SMYD3: variants seen among roughly 807,000 people sequenced by gnomAD.
SMYD3 encodes histone-lysine N-methyltransferase SMYD3.
A neutral mutation model predicts 57.7 loss-of-function variants in SMYD3; 36 were observed. The ratio of observed to expected loss-of-function variants is 0.62; its 90% CI spans 0.48 to 0.82. SMYD3 has a LOEUF of 0.82. Ranked by LOEUF, SMYD3 falls within the 40% of genes least tolerant of loss-of-function variation. SMYD3 has a pLI of 0.00. For missense variants in SMYD3, 515 were observed against 538.8 expected, an observed-to-expected ratio of 0.96 and a Z score of 0.44; for synonymous variants, 211 against 195.0, an observed-to-expected ratio of 1.08 and a Z score of -0.68.
chr1:246,283,091 C>T (rs147214916), intron 5 of SMYD3, among the ~76,000 whole-genome samples: 1 of 152,254 alleles, frequency 6.6e-6, no homozygotes, highest in African/African-American at 2.4e-5. Flanking sequence ...TCAACAATGG[C>T]ACCTTAAAAA....
chr1:246,060,306 G>C (rs1034633778), intron 5 of SMYD3, among the ~76,000 whole-genome samples: 6 of 149,544 alleles, frequency 4.0e-5, no homozygotes, highest in Non-Finnish European at 8.9e-5. Flanking sequence ...AATAAAGGTT[G>C]CGTTTTTTTT....
At chr1:246,136,689 A>G (rs1160431968) in intron 5 of SMYD3, among the ~76,000 whole-genome samples, 1 of 152,224 alleles carries the variant, frequency 6.6e-6, no homozygotes, top group Non-Finnish European at 1.5e-5. Context: ...AAATGAATGA[A>G]TGAACCAACA....
At chr1:246,325,945 G>C (rs1250018299) in intron 5 of SMYD3, 1 of 157,390 alleles carries the variant, frequency 6.4e-6, no homozygotes, top group African/African-American at 2.4e-5. Flanking sequence ...AAATAGATGA[G>C]AAAGTTTTCA....
intron 5 of SMYD3, among the ~76,000 whole-genome samples, chr1:246,223,485 T>C (rs1387954612): frequency 1.3e-5 from 2 of 152,162 alleles, no homozygotes; most frequent in African/African-American, 2.4e-5. Context: ...TTCTAGTTTC[T>C]TGTTCCTGGA....
At chr1:246,186,377 T>C (rs2062640234) in intron 5 of SMYD3, among the ~76,000 whole-genome samples, 1 of 152,168 alleles carries the variant, frequency 6.6e-6, no homozygotes, top group Admixed American at 6.5e-5. Flanking sequence ...ACCAGGCGCT[T>C]TACTGTCTAT....
At chr1:246,359,289 A>G (rs2065953675) in intron 1 of SMYD3, among the ~76,000 whole-genome samples, 1 of 152,190 alleles carries the variant, frequency 6.6e-6, no homozygotes, top group Non-Finnish European at 1.5e-5. Flanking sequence ...GAACAGACCA[A>G]TAACAAGCAG....
intron 10 of SMYD3, among the ~76,000 whole-genome samples, chr1:245,809,129 C>T (rs114141510): frequency 1.9e-4 from 29 of 152,320 alleles, no homozygotes; most frequent in African/African-American, 7.0e-4. Flanking sequence ...GGGCTCTGTA[C>T]TGCCTCTGGT....
At chr1:246,271,471 T>C (rs2064221139) in intron 5 of SMYD3, among the ~76,000 whole-genome samples, 1 of 152,220 alleles carries the variant, frequency 6.6e-6, no homozygotes, top group African/African-American at 2.4e-5. Flanking sequence ...AGTTGATTTT[T>C]GTATACAAAC....
rs1449692496 is a variant in SMYD3 at position 245,842,085 on chromosome 1, T to C, written c.1076+16411A>G. Among the ~76,000 whole-genome samples the C allele has an allele frequency of 2.0e-5, 3 of 152,314 alleles. No individual in the cohort carries two copies. The East Asian group carries it at 5.8e-4, about 29-fold the overall frequency. ...GCCAAGGAGCACCATATAGTCTAGT[T>C]GTGTAGTAGGATTTCACAATCTAGG... On this transcript the variant is annotated intron_variant, in intron 10 of 11. Coordinates refer to ENST00000490107, the MANE Select transcript of SMYD3 (RefSeq NM_001167740.2).
intron 10 of SMYD3, among the ~76,000 whole-genome samples, chr1:245,798,417 T>TACACACACACACACACACACAC (rs1327910170): frequency 3.3e-5 from 1 of 30,726 alleles, no homozygotes; most frequent in Non-Finnish European, 6.7e-5. Context: ...TACACACACA[T>TACACACACACACACACACACAC]ACACACCCCC....
chr1:246,056,445 T>A (rs1344419650), intron 5 of SMYD3, among the ~76,000 whole-genome samples: 1 of 152,028 alleles, frequency 6.6e-6, no homozygotes, highest in East Asian at 1.9e-4. Flanking sequence ...GGAAACTATA[T>A]GAAGTTTGGT....
At chr1:246,477,412 C>T (rs1473121288) in intron 1 of SMYD3, among the ~76,000 whole-genome samples, 1 of 152,168 alleles carries the variant, frequency 6.6e-6, no homozygotes, top group Non-Finnish European at 1.5e-5. Context: ...TATTCTAACA[C>T]TGTTTTTGAA....
At chr1:246,023,224 A>G (rs1377051686) in intron 5 of SMYD3, among the ~76,000 whole-genome samples, 1 of 152,248 alleles carries the variant, frequency 6.6e-6, no homozygotes, top group East Asian at 1.9e-4. Flanking sequence ...AGCTCTTGCT[A>G]ATCAGTGAGA....
chr1:245,803,403 ATATGAACTGGCCAATTTCACG>A (rs369044620), intron 10 of SMYD3, among the ~76,000 whole-genome samples: 3,571 of 152,252 alleles, frequency 0.023, 123 homozygotes, highest in African/African-American at 0.082. Context: ...AGGTTGAACC[ATATGAACTGGCCAATTTCACG>A]TATGAACTGG....
chr1:246,457,935 T>TGG (rs2067728538), intron 1 of SMYD3, among the ~76,000 whole-genome samples: 1 of 152,230 alleles, frequency 6.6e-6, no homozygotes, highest in African/African-American at 2.4e-5. Flanking sequence ...TAGCATAAAC[T>TGG]TTCCTATAGT....
chr1:246,479,797 G>A (rs558249026), intron 1 of SMYD3, among the ~76,000 whole-genome samples: 34 of 152,162 alleles, frequency 2.2e-4, no homozygotes, highest in African/African-American at 4.8e-4. Context: ...CTTGAGTCAC[G>A]GCACCCAGCC....
intron 5 of SMYD3, among the ~76,000 whole-genome samples, chr1:246,123,592 A>ACC (rs2061458622): frequency 6.6e-6 from 1 of 150,902 alleles, no homozygotes; most frequent in Admixed American, 6.6e-5. Flanking sequence ...ACACACACAC[A>ACC]CACACACACA....
intron 1 of SMYD3, among the ~76,000 whole-genome samples, chr1:246,400,069 G>GA (rs936883050): frequency 3.4e-5 from 5 of 148,746 alleles, no homozygotes; most frequent in Non-Finnish European, 6.0e-5. Flanking sequence ...TTTCCCAAAA[G>GA]AAAAAAAAAG....
At chr1:246,331,915 A>G (rs12727205) in intron 3 of SMYD3, among the ~76,000 whole-genome samples, 21,821 of 152,182 alleles carry the variant, frequency 0.14, 2,148 homozygotes, top group East Asian at 0.43. Context: ...CCATCCCCAT[A>G]TAAGACCACA....
Sources: gnomAD v4.1 joint callset for allele counts (sites outside exome capture counted in the v4.1 genomes callset) on GRCh38, gnomAD v4.1.1 for gene constraint, MANE v1.5 for transcripts, NCBI Gene and HGNC (gene_info 2026-07-23, HGNC 2026-07-21) for gene names.